Variants in OR8B3 observed in about 807,000 individuals in gnomAD.
The protein encoded by OR8B3 is olfactory receptor family 8 subfamily B member 3, also known as olfactory receptor 8B3.
For missense variants in OR8B3, 278 were observed against 377.6 expected (o/e 0.74, Z 2.19); for synonymous variants, 102 against 135.4 (o/e 0.75, Z 1.71).
upstream of OR8B3, among the ~76,000 whole-genome samples, chr11:124,402,142 T>C (rs1861004053): frequency 6.6e-6 from 1 of 152,210 alleles, no homozygotes; most frequent in East Asian, 1.9e-4. Flanking sequence ...TTATAGGGCT[T>C]CTACATGAAT....
chr11:124,406,826 C>G, the OR8B3 span, among the ~76,000 whole-genome samples: 1 of 151,474 alleles, frequency 6.6e-6, no homozygotes, highest in East Asian at 1.9e-4. Flanking sequence ...CACACACACA[C>G]ACGCACAATC....
intron 1 of OR8B3, among the ~76,000 whole-genome samples, chr11:124,398,410 C>T (rs1486263097): frequency 1.3e-5 from 2 of 152,110 alleles, no homozygotes; most frequent in African/African-American, 4.8e-5. Context: ...TTTTATGACC[C>T]TTAAACTCTT....
rs1485489778 is a variant in OR8B3, at chr11:124,396,541, T to C, written c.811A>G (p.Lys271Glu). 2 of 1,613,914 alleles carry C rather than the reference T, an allele frequency of 1.2e-6. No individual in the cohort carries two copies. Among genetic ancestry groups the C allele is most frequent in the Middle Eastern group, 1.7e-4 (1 of 6,060 alleles). ...KYSSGSMEQG[K>E]VSSVFYTNVV... ...TTAGTGTAGAAAACAGAAGAAACTT[T>C]TCCCTGCTCCATAGATCCAGAAGAA... Residue 271 changes from lysine to glutamate, a missense_variant, in exon 2 of 2, where the codon AAA becomes GAA. Lys to Glu is a moderately conservative substitution (Grantham distance 56, BLOSUM62 1). Coordinates refer to ENST00000641139, the MANE Select transcript of OR8B3 (RefSeq NM_001005467.2).
chr11:124,397,083 T>C lies in OR8B3; in HGVS notation c.269A>G (p.Asn90Ser). 1 of 1,613,872 alleles carries C rather than the reference T, an allele frequency of 6.2e-7. No homozygotes were observed. Among genetic ancestry groups the C allele is most frequent in the Non-Finnish European group, 8.5e-7 (1 of 1,179,854 alleles). ...CATGCACCCAACATAGGAGATAATA[T>C]TCTTTTTTGATACAAAGTTCATTAG... The part of the protein sequence containing the change: ...KMLMNFVSKK[N>S]IISYVGCMTQ... Residue 90 changes from asparagine to serine, a missense_variant, in exon 2 of 2, where the codon AAT becomes AGT. Coordinates refer to ENST00000641139, the MANE Select transcript of OR8B3 (RefSeq NM_001005467.2).
chr11:124,402,827 T>G (rs1861016971), upstream of OR8B3, among the ~76,000 whole-genome samples: 3 of 115,048 alleles, frequency 2.6e-5, no homozygotes, highest in Admixed American at 1.1e-4. Flanking sequence ...TGTATATAAA[T>G]GATGCTTCTT....
At chr11:124,397,776 A>G (rs1468735777) in intron 1 of OR8B3, among the ~76,000 whole-genome samples, 1 of 150,426 alleles carries the variant, frequency 6.6e-6, no homozygotes, top group Non-Finnish European at 1.5e-5. Flanking sequence ...GGCTCACTGC[A>G]ACCTCTGCCT....
chr11:124,399,883 C>G (rs1860960366), upstream of OR8B3, among the ~76,000 whole-genome samples: 1 of 105,508 alleles, frequency 9.5e-6, no homozygotes, highest in South Asian at 2.9e-4. Flanking sequence ...ATACAGAATT[C>G]TCTTTTTTTT....
upstream of OR8B3, among the ~76,000 whole-genome samples, chr11:124,399,771 A>T (rs1018323365): frequency 1.1e-4 from 16 of 152,316 alleles, no homozygotes; most frequent in East Asian, 3.9e-4. Flanking sequence ...TAACGAAACT[A>T]CAGACCTTAT....
chr11:124,402,391 A>G (rs1861008373), upstream of OR8B3, among the ~76,000 whole-genome samples: 1 of 152,232 alleles, frequency 6.6e-6, no homozygotes, highest in Non-Finnish European at 1.5e-5. Flanking sequence ...TATGTAAATT[A>G]TAGCTTTAAT....
upstream of OR8B3, among the ~76,000 whole-genome samples, chr11:124,401,248 G>C (rs1219438756): frequency 1.3e-5 from 2 of 151,784 alleles, no homozygotes; most frequent in Non-Finnish European, 2.9e-5. Flanking sequence ...GAGAGAGAGA[G>C]ACTGGAGCTG....
rs1193953153 is a variant in OR8B3 at position 124,396,349 on chromosome 11, A to G, written c.*61T>C. ...TCTGTAGAAACAACAAAATCTCTTC[A>G]TGGAACACACTAATAAAAATTTAAA... On this transcript the variant is annotated 3_prime_UTR_variant, in exon 2 of 2. Transcript: ENST00000641139. 9 of 1,388,152 alleles carry G rather than the reference A, an allele frequency of 6.5e-6. No individual in the cohort carries two copies. The highest frequency in any genetic ancestry group is 8.8e-6 in the Non-Finnish European group (9 of 1,025,202). The allele number at this position is 1,388,152 out of a possible 1,614,324, so 86.0% of individuals were successfully genotyped here.
At chr11:124,409,807 G>T in the OR8B3 span, among the ~76,000 whole-genome samples, 6 of 152,146 alleles carry the variant, frequency 3.9e-5, no homozygotes, top group East Asian at 1.2e-3. Flanking sequence ...GAGAAATACA[G>T]TTGAACTCAT....
chr11:124,409,488 G>C, the OR8B3 span, among the ~76,000 whole-genome samples: 1 of 152,206 alleles, frequency 6.6e-6, no homozygotes, highest in Non-Finnish European at 1.5e-5. Context: ...CCCATTAGTT[G>C]TGCAATTCTC....
At chr11:124,407,399 CAG>C in the OR8B3 span, among the ~76,000 whole-genome samples, 2 of 152,086 alleles carry the variant, frequency 1.3e-5, no homozygotes, top group African/African-American at 2.4e-5. Context: ...GAACGTAGTA[CAG>C]AGAGTTCTCA....
At chr11:124,407,606 A>G in the OR8B3 span, among the ~76,000 whole-genome samples, 1 of 152,162 alleles carries the variant, frequency 6.6e-6, no homozygotes, top group Non-Finnish European at 1.5e-5. Context: ...AATTCTCCTT[A>G]CATTCCTCTC....
chr11:124,407,014 G>A, the OR8B3 span, among the ~76,000 whole-genome samples: 7,342 of 151,876 alleles, frequency 0.048, 268 homozygotes, highest in South Asian at 0.1. Flanking sequence ...GCTCTCATTT[G>A]CTTTGATAGT....
rs1480711057 is a variant in OR8B3, at chr11:124,396,413, G to C, written c.939C>G (p.Phe313Leu). 3 of 1,595,388 alleles carry C rather than the reference G, an allele frequency of 1.9e-6. No individual in the cohort carries two copies. Among genetic ancestry groups the C allele is most frequent in the Non-Finnish European group, 1.7e-6 (2 of 1,173,606 alleles). ...ALIKIQRRNI[F>L] ...TTTACATTATTACTGCTTCTAATTA[G>C]AATATATTTCTTCTCTGAATTTTAA... The change falls in exon 2 of 2, where the codon TTC becomes TTG. Residue 313 changes from phenylalanine (F) to leucine (L), a missense_variant. By Grantham distance (22) the Phe-to-Leu change is conservative (BLOSUM62 0). Coordinates refer to ENST00000641139, the MANE Select transcript of OR8B3 (RefSeq NM_001005467.2).
chr11:124,406,358 A>G, the OR8B3 span, among the ~76,000 whole-genome samples: 1 of 152,152 alleles, frequency 6.6e-6, no homozygotes, highest in East Asian at 1.9e-4. Context: ...TGGAATATGG[A>G]AAGAGTCTGG....
At chr11:124,408,116 G>A in the OR8B3 span, among the ~76,000 whole-genome samples, 1 of 152,082 alleles carries the variant, frequency 6.6e-6, no homozygotes, top group Non-Finnish European at 1.5e-5. Context: ...GTTGATTTAT[G>A]TTTGATGACG....
Sources: gnomAD v4.1 joint callset for allele counts (sites outside exome capture counted in the v4.1 genomes callset) on GRCh38, gnomAD v4.1.1 for gene constraint, MANE v1.5 for transcripts, NCBI Gene and HGNC (gene_info 2026-07-23, HGNC 2026-07-21) for gene names.